Variants in FAM241A observed in about 807,000 individuals in gnomAD.
FAM241A encodes the protein uncharacterized protein FAM241A.
FAM241A carries 7 observed loss-of-function variants against 12.2 expected under a neutral mutation model. The ratio of observed to expected loss-of-function variants is 0.58; its 90% CI spans 0.33 to 1.08. The LOEUF is 1.08. Among genes scored for constraint, FAM241A ranks in the 50% least tolerant of loss-of-function variants. The pLI is 0.04. For synonymous variants in FAM241A, 74 were observed against 68.2 expected, an observed-to-expected ratio of 1.08 and a Z score of -0.42; for missense variants, 161 against 169.7, an observed-to-expected ratio of 0.95 and a Z score of 0.29.
In FAM241A at chr4:112,189,615, G is replaced by A. The variant is rs1436148368; in HGVS notation, c.*2677G>A. The A allele has an allele frequency of 6.6e-6, 1 of 152,086 alleles. No homozygotes were observed. The highest frequency in any genetic ancestry group is 1.5e-5 in the Non-Finnish European group (1 of 68,010). 9.4% of individuals were successfully genotyped at this position (152,086 alleles called of 1,614,324 possible). ...TCTTAAAGTAAAAACTCTGTATTTTGTAGAATTCTGTCCTCTCATACCTTA... is the reference window on the plus strand; with the variant it reads ...TCTTAAAGTAAAAACTCTGTATTTTATAGAATTCTGTCCTCTCATACCTTA... On this transcript the variant is annotated 3_prime_UTR_variant, in exon 2 of 2. Transcript: ENST00000309733.
At chr4:112,145,905 C>G (rs1162098104) in intron 1 of FAM241A, among the ~76,000 whole-genome samples, 172 bp downstream of exon 1, 1 of 151,534 alleles carries the variant, frequency 6.6e-6, no homozygotes, top group Admixed American at 6.6e-5. Context: ...GACGGCGCTC[C>G]CAGGAGGAGC....
chr4:112,166,924 C>T (rs1723609691), intron 1 of FAM241A, among the ~76,000 whole-genome samples: 1 of 137,656 alleles, frequency 7.3e-6, no homozygotes, highest in African/African-American at 2.8e-5. Context: ...ACCATCCCGG[C>T]TAAAATGGTG....
chr4:112,168,367 C>G (rs770155572), intron 1 of FAM241A, among the ~76,000 whole-genome samples: 3 of 151,996 alleles, frequency 2.0e-5, no homozygotes, highest in Non-Finnish European at 4.4e-5. Flanking sequence ...TATTTCATTT[C>G]ATAAGAATGG....
intron 1 of FAM241A, among the ~76,000 whole-genome samples, chr4:112,159,076 T>G (rs996331203): frequency 4.6e-5 from 7 of 152,188 alleles, no homozygotes; most frequent in Admixed American, 2.0e-4. Flanking sequence ...AATATTTGTC[T>G]TTCTGTGCCT....
At chr4:112,177,876 A>G (rs1036045673) in intron 1 of FAM241A, among the ~76,000 whole-genome samples, 2 of 152,236 alleles carry the variant, frequency 1.3e-5, no homozygotes, top group Admixed American at 6.5e-5. Flanking sequence ...AAAATTCACA[A>G]CTATGCTCAT....
intron 1 of FAM241A, among the ~76,000 whole-genome samples, chr4:112,164,846 C>T (rs1300985727): frequency 6.6e-6 from 1 of 152,196 alleles, no homozygotes; most frequent in Non-Finnish European, 1.5e-5. Flanking sequence ...TGCCGTGGCT[C>T]ACGCCTATAA....
chr4:112,187,424 A>G lies in FAM241A; in HGVS notation c.*486A>G, dbSNP rs1176518978. On this transcript the variant is annotated 3_prime_UTR_variant, in exon 2 of 2. Transcript: ENST00000309733. ...TTATTTGGGAAATATTTGGATTTCA[A>G]TTGTCCCTACCCAGCCTAAACTAAG... 2.0e-5 allele frequency: 3 copies of G among 153,730 alleles called. No individual in the cohort carries two copies. Among genetic ancestry groups the G allele is most frequent in the Non-Finnish European group, 1.5e-5 (1 of 68,864 alleles). The allele number at this position is 153,730 out of a possible 1,614,324, so 9.5% of individuals were successfully genotyped here.
chr4:112,148,322 A>G (rs558068114), intron 1 of FAM241A, among the ~76,000 whole-genome samples: 6 of 152,220 alleles, frequency 3.9e-5, no homozygotes, highest in African/African-American at 1.4e-4. Context: ...AACAAAATGT[A>G]TCTTTATTTT....
At chr4:112,171,292 A>G (rs370286462) in intron 1 of FAM241A, 1 of 755,286 alleles carries the variant, frequency 1.3e-6, no homozygotes, top group African/African-American at 1.7e-5. Flanking sequence ...ATGACACAGT[A>G]CAAGAAGGGC....
chr4:112,153,301 G>A (rs559806358), intron 1 of FAM241A, among the ~76,000 whole-genome samples: 33 of 152,250 alleles, frequency 2.2e-4, no homozygotes, highest in Non-Finnish European at 3.4e-4. Flanking sequence ...TTCAAAAGAA[G>A]TGATAAGGCA....
chr4:112,162,988 C>A (rs1723509833), intron 1 of FAM241A, among the ~76,000 whole-genome samples: 1 of 152,046 alleles, frequency 6.6e-6, no homozygotes, highest in Non-Finnish European at 1.5e-5. Context: ...AGAACAGAGC[C>A]CTCAGAAATA....
rs550234825 is a variant in FAM241A, at chr4:112,195,222, T to C, written c.*8284T>C. 2 of 152,384 alleles carry C rather than the reference T, an allele frequency of 1.3e-5. No individual in the cohort carries two copies. The highest frequency in any genetic ancestry group is 1.9e-4 in the East Asian group (1 of 5,196). 9.4% of individuals were successfully genotyped at this position (152,384 alleles called of 1,614,324 possible). A position where few individuals can be genotyped will look rare whatever the true frequency, so the allele number is the denominator to read the frequency against. ...TGTGTTAAATGACATGTATATACTT[T>C]GTTATTCTTTCTAATAAATAATACT... is the stretch of plus-strand genomic sequence containing the variant. On this transcript the variant is annotated 3_prime_UTR_variant, in exon 2 of 2. Transcript: ENST00000309733.
intron 1 of FAM241A, among the ~76,000 whole-genome samples, chr4:112,171,976 A>G (rs1015429517): frequency 4.6e-5 from 7 of 152,242 alleles, no homozygotes; most frequent in Non-Finnish European, 8.8e-5. Context: ...AAACTGATAC[A>G]TTGAAACAAT....
chr4:112,194,508 T>A lies in FAM241A; in HGVS notation c.*7570T>A, dbSNP rs1262609274. 2 of 151,896 alleles carry A rather than the reference T, an allele frequency of 1.3e-5. No individual in the cohort carries two copies. The highest frequency in any genetic ancestry group is 2.9e-5 in the Non-Finnish European group (2 of 67,970). The allele number at this position is 151,896 out of a possible 1,614,324, so 9.4% of individuals were successfully genotyped here. A position where few individuals can be genotyped will look rare whatever the true frequency, so the allele number is the denominator to read the frequency against. On this transcript the variant is annotated 3_prime_UTR_variant, in exon 2 of 2. Coordinates refer to ENST00000309733, the MANE Select transcript of FAM241A (RefSeq NM_152400.3). ...GTTTGTCATAGATAGCTCTTATTAT[T>A]TTGAGATACGTCCCATCAATACCTG...
chr4:112,177,914 C>T (rs1401523195), intron 1 of FAM241A, among the ~76,000 whole-genome samples: 2 of 152,102 alleles, frequency 1.3e-5, no homozygotes, highest in African/African-American at 4.8e-5. Flanking sequence ...ATTGATATTA[C>T]ATTTAAGTTT....
At chr4:112,151,555 T>C (rs760468512) in intron 1 of FAM241A, among the ~76,000 whole-genome samples, 10 of 152,152 alleles carry the variant, frequency 6.6e-5, no homozygotes, top group Non-Finnish European at 1.3e-4. Flanking sequence ...AGGTCTGAGA[T>C]TTTGCATCTC....
intron 1 of FAM241A, among the ~76,000 whole-genome samples, chr4:112,154,839 C>G (rs1179786195): frequency 6.6e-6 from 1 of 151,944 alleles, no homozygotes; most frequent in Admixed American, 6.6e-5. Flanking sequence ...TCGAGACCAG[C>G]CTGGCCAACA....
chr4:112,193,683 C>T lies in FAM241A; in HGVS notation c.*6745C>T, dbSNP rs1408110684. ...AGACATGCGGCGTTATTTCTGAGGG[C>T]TCTTTTGTGTTCCATTGATCTATAT... On this transcript the variant is annotated 3_prime_UTR_variant, in exon 2 of 2. Coordinates refer to ENST00000309733, the MANE Select transcript of FAM241A (RefSeq NM_152400.3). 3 of 152,204 alleles carry T rather than the reference C, an allele frequency of 2.0e-5. No homozygotes were observed. Among genetic ancestry groups the T allele is most frequent in the Non-Finnish European group, 4.4e-5 (3 of 68,084 alleles). The allele number at this position is 152,204 out of a possible 1,614,324, so 9.4% of individuals were successfully genotyped here.
chr4:112,176,701 G>C (rs1008443883), intron 1 of FAM241A, among the ~76,000 whole-genome samples: 2 of 152,098 alleles, frequency 1.3e-5, no homozygotes, highest in African/African-American at 2.4e-5. Context: ...GAATCAGTTA[G>C]AACACCCCTC....
Sources: gnomAD v4.1 joint callset for allele counts (sites outside exome capture counted in the v4.1 genomes callset) on GRCh38, gnomAD v4.1.1 for gene constraint, MANE v1.5 for transcripts, NCBI Gene and HGNC (gene_info 2026-07-23, HGNC 2026-07-21) for gene names.